Variants in ACTN2 observed in about 807,000 individuals in gnomAD.
ACTN2 encodes the protein actinin alpha 2.
A neutral mutation model predicts 113.8 loss-of-function variants in ACTN2; 39 were observed. The observed-to-expected ratio is 0.34, with a 90% CI of 0.27 to 0.45. The LOEUF (loss-of-function observed/expected upper bound fraction) is 0.45. Ranked by LOEUF, ACTN2 falls within the 20% of genes least tolerant of loss-of-function variation. The pLI, the probability that ACTN2 is intolerant of heterozygous loss-of-function variation, is 1.00. For synonymous variants in ACTN2, 429 were observed against 444.1 expected, an observed-to-expected ratio of 0.97 and a Z score of 0.43; for missense variants, 992 against 1,177.9, an observed-to-expected ratio of 0.84 and a Z score of 2.31.
intron 1 of ACTN2, among the ~76,000 whole-genome samples, chr1:236,709,341 C>CTT: frequency 9.5e-6 from 1 of 105,370 alleles, no homozygotes; most frequent in Non-Finnish European, 1.8e-5. Context: ...TATATATATA[C>CTT]GTGTATATAT....
At chr1:236,727,187 A>G (rs1425220127) in intron 5 of ACTN2, among the ~76,000 whole-genome samples, 1 of 5,276 alleles carries the variant, frequency 1.9e-4, no homozygotes, top group Admixed American at 2.4e-3. Flanking sequence ...AAGAAAAAGA[A>G]AAAAAAAAGA....
chr1:236,742,989 C>T lies in ACTN2; in HGVS notation c.1201C>T (p.His401Tyr), dbSNP rs780843630. Reference protein sequence around the residue: ...NEIRRLERLEHLAEKFRQKAS... With the variant: ...NEIRRLERLEYLAEKFRQKAS... Reference sequence around the variant, plus strand: ...GATTCGGAGACTGGAGCGCTTGGAACACCTGGCTGAGAAGTTCAGGCAGAA... The same window carrying T: ...GATTCGGAGACTGGAGCGCTTGGAATACCTGGCTGAGAAGTTCAGGCAGAA... The change falls in exon 11 of 21, where the codon CAC (histidine) becomes TAC (tyrosine). Residue 401 changes from histidine to tyrosine, a missense_variant. His to Tyr is a moderately conservative substitution (Grantham distance 83). This residue lies in a region of ACTN2 where 736 missense variants were observed against 815.4 expected (regional missense o/e 0.90). Coordinates refer to ENST00000366578, the MANE Select transcript of ACTN2 (RefSeq NM_001103.4). 3.1e-6 allele frequency: 5 copies of T among 1,614,014 alleles called. No individual in the cohort carries two copies.
chr1:236,715,087 G>A (rs1038498699), intron 1 of ACTN2, among the ~76,000 whole-genome samples: 9 of 152,178 alleles, frequency 5.9e-5, no homozygotes, highest in African/African-American at 2.2e-4. Flanking sequence ...GCATTGGGTA[G>A]CCAAGGAACA....
In ACTN2 at chr1:236,739,547, C is replaced by G. The variant is rs1392352816; in HGVS notation, c.1107+15C>G. 6.2e-7 allele frequency: 1 copy of G among 1,613,414 alleles called. No homozygotes were observed. Among genetic ancestry groups the G allele is most frequent in the African/African-American group, 1.3e-5 (1 of 74,920 alleles). The stretch of plus-strand genomic sequence containing the variant: ...AGATGGTGTCGGTGAGTAGCAAGCG[C>G]CAAGCCCTCCTGGCGCCACGGGAAG... On this transcript the variant is annotated intron_variant, in intron 10 of 20. Transcript: ENST00000366578.
chr1:236,717,253 G>C, intron 1 of ACTN2, among the ~76,000 whole-genome samples: 1 of 151,986 alleles, frequency 6.6e-6, no homozygotes, highest in East Asian at 2.0e-4. Context: ...AGACCAGCCT[G>C]GGCAACATAG....
Position 236,749,152 on chromosome 1 carries a change from A to G in ACTN2, c.1544A>G (p.Asp515Gly), listed in dbSNP as rs1487373186. 1 of 1,614,162 alleles carries G rather than the reference A, an allele frequency of 6.2e-7. No individual in the cohort carries two copies. Among genetic ancestry groups the G allele is most frequent in the Non-Finnish European group, 8.5e-7 (1 of 1,180,020 alleles). Residue 515 changes from aspartate to glycine, a missense_variant, in exon 14 of 21, where the codon GAT becomes GGT. Asp to Gly is a moderately conservative substitution (Grantham distance 94). Coordinates refer to ENST00000366578, the MANE Select transcript of ACTN2 (RefSeq NM_001103.4). The part of the protein sequence containing the change: ...ERMEKLLETI[D>G]QLHLEFAKRA... The stretch of plus-strand genomic sequence containing the variant: ...ATGGAGAAATTGCTAGAAACCATTG[A>G]TCAGCTTCACCTGGAGTTTGCCAAG...
rs369322036 is a variant in ACTN2 at position 236,728,494 on chromosome 1, G to C, written c.615+738G>C. Among the ~76,000 whole-genome samples, 3 of 152,308 alleles carry C rather than the reference G, an allele frequency of 2.0e-5. No individual in the cohort carries two copies. In the East Asian group the frequency reaches 5.8e-4, roughly 29 times the overall value. ...CCCTTGACTTTTTCTGGAGGATTTA[G>C]TTGTAGACATATTTATTCAGAATTG... On this transcript the variant is annotated intron_variant, in intron 6 of 20. Coordinates refer to ENST00000366578, the MANE Select transcript of ACTN2 (RefSeq NM_001103.4).
chr1:236,695,088 C>T lies in ACTN2; in HGVS notation c.126+8289C>T, dbSNP rs139262623. Among the ~76,000 whole-genome samples the T allele has an allele frequency of 3.8e-3, 573 of 151,654 alleles. 2 individuals are homozygous for T. Among genetic ancestry groups the T allele is most frequent in the African/African-American group, 0.013 (538 of 41,302 alleles). ...GCTTTTCGTTAAAAAATGTTCAGGCCGGGCACAGTGTCTCATGCCTGTAAT... is the reference window on the plus strand; with the variant it reads ...GCTTTTCGTTAAAAAATGTTCAGGCTGGGCACAGTGTCTCATGCCTGTAAT... On this transcript the variant is annotated intron_variant, in intron 1 of 20. Transcript: ENST00000366578.
intron 7 of ACTN2, among the ~76,000 whole-genome samples, chr1:236,732,425 C>CT (rs140816842): frequency 2.7e-5 from 4 of 145,688 alleles, no homozygotes; most frequent in African/African-American, 1.0e-4. Flanking sequence ...TTTTCTTTTT[C>CT]TTTTTATTTT....
intron 19 of ACTN2, among the ~76,000 whole-genome samples, chr1:236,760,674 C>G (rs2102951037): frequency 6.6e-6 from 1 of 152,314 alleles, no homozygotes; most frequent in Middle Eastern, 3.4e-3. Context: ...CATCGCTTTC[C>G]TAGTTGTAAT....
In ACTN2 at chr1:236,695,961, C is replaced by T. The variant is rs538292979; in HGVS notation, c.126+9162C>T. Reference sequence around the variant, plus strand: ...AAAAGCCATGCTATCTTAGAAAAGACCTATATTTTATTAGTGAATGTGAGA... The same window carrying T: ...AAAAGCCATGCTATCTTAGAAAAGATCTATATTTTATTAGTGAATGTGAGA... On this transcript the variant is annotated intron_variant, in intron 1 of 20. Transcript: ENST00000366578. 5.3e-5 allele frequency among the ~76,000 whole-genome samples: 8 copies of T among 152,212 alleles called. No homozygotes were observed. The East Asian group carries it at 1.5e-3, about 29-fold the overall frequency.
chr1:236,737,028 C>A, intron 8 of ACTN2, 94 bp from the exon 9 acceptor site: 1 of 1,026,212 alleles, frequency 9.7e-7, no homozygotes, highest in Non-Finnish European at 1.5e-6. Context: ...AGCACGCCAC[C>A]CTCCTCGTCC....
At chr1:236,686,827 G>T (rs1160116980) in intron 1 of ACTN2, 28 bp downstream of exon 1, 3 of 1,442,706 alleles carry the variant, frequency 2.1e-6, no homozygotes, top group Non-Finnish European at 1.8e-6. Context: ...GGCCGCCCGC[G>T]CGTGGTGGGG....
At chr1:236,709,307 CGTATATATGTATATATAT>C (rs1558227582) in intron 1 of ACTN2, among the ~76,000 whole-genome samples, 5 of 92,488 alleles carry the variant, frequency 5.4e-5, no homozygotes, top group African/African-American at 1.7e-4. Flanking sequence ...TGTATATATA[CGTATATATGTATATATAT>C]ACATGTATAT....
At chr1:236,736,647 T>C in intron 8 of ACTN2, 1 of 1,532,618 alleles carries the variant, frequency 6.5e-7, no homozygotes, top group South Asian at 1.2e-5. Flanking sequence ...TGAGGAGGTC[T>C]TCAGTGAATT....
In ACTN2 at chr1:236,754,122, G is replaced by T; in HGVS notation, c.1974+41G>T. 2 of 1,610,682 alleles carry T rather than the reference G, an allele frequency of 1.2e-6. No individual in the cohort carries two copies. Among genetic ancestry groups the T allele is most frequent in the Non-Finnish European group, 1.7e-6 (2 of 1,179,926 alleles). ...CCCAGGCGCTGTTCACAAGCCTTGC[G>T]ATAAGTCCCTTTAGCCACGCAGCAG... On this transcript the variant is annotated intron_variant, in intron 16 of 20. Coordinates refer to ENST00000366578, the MANE Select transcript of ACTN2 (RefSeq NM_001103.4). This position sits in a 1 kb window ranked among gnomAD's most constrained non-coding sequence, Gnocchi z 4.9.
Position 236,735,731 on chromosome 1 carries a change from C to G in ACTN2, c.783+11C>G. The G allele has an allele frequency of 9.9e-6, 16 of 1,612,324 alleles. No homozygotes were observed. The highest frequency in any genetic ancestry group is 1.4e-5 in the Non-Finnish European group (16 of 1,178,384). On this transcript the variant is annotated intron_variant, in intron 8 of 20. Coordinates refer to ENST00000366578, the MANE Select transcript of ACTN2 (RefSeq NM_001103.4). ...GCGGGCGCGGAGCAGGTACTCAACA[C>G]TTGTCCGTCCGGGCTGTTGTGTTAC...
At chr1:236,759,671 G>T (rs1003122013) in intron 18 of ACTN2, 53 bp from the exon 19 acceptor site, 2 of 1,477,436 alleles carry the variant, frequency 1.4e-6, no homozygotes, top group African/African-American at 2.8e-5. Context: ...GTCAAGTAGA[G>T]TTGCTCATCT....
intron 1 of ACTN2, among the ~76,000 whole-genome samples, chr1:236,687,904 T>C (rs1311619945): frequency 6.6e-6 from 1 of 152,224 alleles, no homozygotes; most frequent in African/African-American, 2.4e-5. Context: ...TTGTCTACCC[T>C]CTCTCCTAAA....
Sources: allele counts gnomAD v4.1 joint callset (sites outside exome capture counted in the v4.1 genomes callset), GRCh38; gene constraint gnomAD v4.1.1; regional missense constraint gnomAD v4.1.1; non-coding constraint Gnocchi (gnomAD v3.1); transcripts MANE v1.5; gene names NCBI Gene and HGNC (gene_info 2026-07-23, HGNC 2026-07-21).